Variants in DPP10 observed in about 807,000 individuals in gnomAD.
DPP10 encodes the protein dipeptidyl peptidase like 10.
In DPP10, 33 loss-of-function variants were observed where a neutral mutation model predicts 120.9. That is an observed-to-expected ratio of 0.27 (90% CI 0.21 to 0.37). DPP10 has a LOEUF of 0.37. DPP10 is among the 10% of genes least tolerant of loss of function. The pLI is 1.00. For missense variants in DPP10, 816 were observed against 942.8 expected, an observed-to-expected ratio of 0.87 and a Z score of 1.76; for synonymous variants, 337 against 326.1, an observed-to-expected ratio of 1.03 and a Z score of -0.36.
chr2:114,784,497 A>G (rs1405633144), intron 1 of DPP10, among the ~76,000 whole-genome samples: 2 of 152,154 alleles, frequency 1.3e-5, no homozygotes, highest in Admixed American at 1.3e-4. Flanking sequence ...ACTGCCTATT[A>G]CATAAAACCT....
At chr2:114,623,899 A>G (rs183853744) in intron 1 of DPP10, among the ~76,000 whole-genome samples, 1 of 152,228 alleles carries the variant, frequency 6.6e-6, no homozygotes, top group African/African-American at 2.4e-5. Context: ...TACTCTATTT[A>G]GTATTTAAAA....
chr2:115,687,620 A>G (rs2091071262), intron 5 of DPP10, among the ~76,000 whole-genome samples: 1 of 129,940 alleles, frequency 7.7e-6, no homozygotes, highest in Non-Finnish European at 1.9e-5. Context: ...CTTCACCTCA[A>G]CACACTTACT....
At chr2:114,788,815 T>C (rs1166000769) in intron 1 of DPP10, among the ~76,000 whole-genome samples, 2 of 152,166 alleles carry the variant, frequency 1.3e-5, no homozygotes, top group Admixed American at 1.3e-4. Context: ...GAGCATTTTT[T>C]ATAATATTTT....
chr2:115,285,181 C>T (rs939657291), intron 1 of DPP10, among the ~76,000 whole-genome samples: 6 of 152,034 alleles, frequency 3.9e-5, no homozygotes, highest in Middle Eastern at 3.2e-3. Context: ...CCAGGACCTA[C>T]GTCTCTCTAC....
chr2:115,840,309 AGGTTTTTT>A lies in DPP10; in HGVS notation c.2183-432_2183-425del, dbSNP rs1455929761. ...AGCTTTCTACCTAAAGCCAGATATAAGGTTTTTTGGTTTTTTTTTTTTTTTTTTTTTTG... is the reference window on the plus strand; with the variant it reads ...AGCTTTCTACCTAAAGCCAGATATAAGGTTTTTTTTTTTTTTTTTTTTTTG... On this transcript the variant is annotated intron_variant, in intron 24 of 25. Coordinates refer to ENST00000410059, the MANE Select transcript of DPP10 (RefSeq NM_020868.6). Among the ~76,000 whole-genome samples, 6 of 97,416 alleles carry A rather than the reference AGGTTTTTT, an allele frequency of 6.2e-5. 1 individual carries two copies. The highest frequency in any genetic ancestry group is 1.2e-4 in the African/African-American group (3 of 24,464). 63.9% of individuals were successfully genotyped at this position (97,416 alleles called of 152,430 possible).
At chr2:115,790,162 C>A (rs1683796116) in intron 17 of DPP10, among the ~76,000 whole-genome samples, 1 of 151,580 alleles carries the variant, frequency 6.6e-6, no homozygotes. Flanking sequence ...TCACTGCAAG[C>A]TCCGCTTCCC....
chr2:115,060,656 A>G (rs1706330207), intron 1 of DPP10, among the ~76,000 whole-genome samples: 1 of 152,210 alleles, frequency 6.6e-6, no homozygotes. Context: ...TATGGTCTAT[A>G]CATCTTCAGC....
At chr2:115,392,454 C>T (rs1308780735) in intron 3 of DPP10, among the ~76,000 whole-genome samples, 1 of 127,674 alleles carries the variant, frequency 7.8e-6, no homozygotes, top group Non-Finnish European at 1.8e-5. Flanking sequence ...TTTTTTAATT[C>T]TTATATTTCA....
chr2:114,480,852 TATAATA>T (rs772376991), intron 1 of DPP10, among the ~76,000 whole-genome samples: 7 of 150,026 alleles, frequency 4.7e-5, no homozygotes, highest in Admixed American at 6.6e-5. Flanking sequence ...GAACTTAAAG[TATAATA>T]ATAATAATAA....
chr2:114,503,746 GT>G (rs1683399962), intron 1 of DPP10, among the ~76,000 whole-genome samples: 1 of 152,164 alleles, frequency 6.6e-6, no homozygotes, highest in South Asian at 2.1e-4. Context: ...TGCTGCAGGT[GT>G]TTGTAAAGCT....
chr2:115,830,738 G>T (rs527556777), intron 21 of DPP10, among the ~76,000 whole-genome samples: 3 of 152,284 alleles, frequency 2.0e-5, no homozygotes, highest in African/African-American at 7.2e-5. Context: ...TAGATTGGAG[G>T]TAAGGAAAGG....
chr2:115,069,344 T>G (rs1476811946), intron 1 of DPP10, among the ~76,000 whole-genome samples: 1 of 152,108 alleles, frequency 6.6e-6, no homozygotes, highest in Non-Finnish European at 1.5e-5. Context: ...TGTTTCATTG[T>G]TAGTGTATAG....
chr2:114,798,622 C>T (rs1204858705), intron 1 of DPP10, among the ~76,000 whole-genome samples: 1 of 152,036 alleles, frequency 6.6e-6, no homozygotes, highest in Non-Finnish European at 1.5e-5. Flanking sequence ...GTGCTGGAAG[C>T]CAGGAGGGCA....
intron 1 of DPP10, among the ~76,000 whole-genome samples, chr2:115,060,547 G>A (rs893321511): frequency 5.9e-5 from 9 of 152,178 alleles, no homozygotes; most frequent in African/African-American, 1.9e-4. Context: ...AGCGGAGACT[G>A]TGCCACTGCA....
At chr2:115,476,310 C>T (rs1026579570) in intron 3 of DPP10, among the ~76,000 whole-genome samples, 3 of 152,112 alleles carry the variant, frequency 2.0e-5, no homozygotes, top group Non-Finnish European at 2.9e-5. Context: ...CCTCATTCTG[C>T]AGCCGTGTAA....
intron 1 of DPP10, among the ~76,000 whole-genome samples, chr2:114,523,150 G>A (rs1218332124): frequency 6.6e-6 from 1 of 152,198 alleles, no homozygotes. Flanking sequence ...AAATGAAGAT[G>A]TGGTCTCAGC....
At chr2:115,211,313 A>G (rs1178479841) in intron 1 of DPP10, among the ~76,000 whole-genome samples, 1 of 151,632 alleles carries the variant, frequency 6.6e-6, no homozygotes, top group South Asian at 2.1e-4. Context: ...ATAGGAAATC[A>G]TATGGCCTAA....
intron 3 of DPP10, among the ~76,000 whole-genome samples, chr2:115,467,816 A>T (rs1038683578): frequency 5.3e-5 from 8 of 152,190 alleles, no homozygotes; most frequent in Admixed American, 2.0e-4. Context: ...GGACCTTGTG[A>T]AGCAAAATTT....
At chr2:114,654,061 C>CT (rs1334315455) in intron 1 of DPP10, among the ~76,000 whole-genome samples, 1 of 152,266 alleles carries the variant, frequency 6.6e-6, no homozygotes, top group African/African-American at 2.4e-5. Context: ...TATGGAATAG[C>CT]TTTTTTCTCT....
Sources: allele counts gnomAD v4.1 joint callset (sites outside exome capture counted in the v4.1 genomes callset), GRCh38; gene constraint gnomAD v4.1.1; transcripts MANE v1.5; gene names NCBI Gene and HGNC (gene_info 2026-07-23, HGNC 2026-07-21).